The following BCLAF3 variants were observed in gnomAD, a reference collection of about 807,000 sequenced individuals.
The protein encoded by BCLAF3 is BCLAF1 and THRAP3 family member 3.
BCLAF3 carries 24 observed loss-of-function variants against 51.2 expected under a neutral mutation model. That is an observed-to-expected ratio of 0.47 (90% CI 0.34 to 0.66). The LOEUF (loss-of-function observed/expected upper bound fraction) is 0.66, where lower values mean the gene tolerates loss of function less well. Among genes scored for constraint, BCLAF3 ranks in the 30% least tolerant of loss-of-function variants. The probability of loss-of-function intolerance (pLI) is 0.01; values close to 1 mark genes in which losing one functional copy is unlikely to be tolerated. For synonymous variants in BCLAF3, 152 were observed against 176.6 expected (o/e 0.86, Z 1.10); for missense variants, 465 against 525.1 (o/e 0.89, Z 1.12).
At position 19,938,586 on chromosome X, in the gene BCLAF3, G is replaced by A. The variant is rs150137704; in HGVS notation, c.1746-1054C>T. Among the ~76,000 whole-genome samples the A allele has an allele frequency of 6.4e-3, 715 of 111,946 alleles. 7 individuals are homozygous for A. The highest frequency in any genetic ancestry group is 0.022 in the African/African-American group (689 of 30,877). ...AATTTTTTCTATTTTTAGTAGACAC[G>A]GGGTTTCACCATGTTGGCCAGCCTG... is the stretch of plus-strand genomic sequence containing the variant. On this transcript the variant is annotated intron_variant, in intron 8 of 11. Coordinates refer to ENST00000379682, the MANE Select transcript of BCLAF3 (RefSeq NM_001367774.2).
intron 10 of BCLAF3, among the ~76,000 whole-genome samples, chrX:19,934,540 G>GTAATCTA (rs1223860913): frequency 1.4e-4 from 16 of 112,541 alleles, no homozygotes; most frequent in Admixed American, 1.1e-3. Context: ...GGCTAAAAAT[G>GTAATCTA]TAATCTATTC....
chrX:19,980,614 TAAG>T (rs201414681), intron 1 of BCLAF3, among the ~76,000 whole-genome samples: 1,487 of 111,515 alleles, frequency 0.013, 9 homozygotes, highest in Middle Eastern at 0.019. Flanking sequence ...AAAAGAAAGA[TAAG>T]GATGAAGGCG....
chrX:19,921,719 G>A, intron 11 of BCLAF3, among the ~76,000 whole-genome samples: 1 of 105,819 alleles, frequency 9.5e-6, no homozygotes, highest in African/African-American at 3.5e-5. Context: ...ATAAAAAATT[G>A]GCCAGGCGTG....
intron 4 of BCLAF3, among the ~76,000 whole-genome samples, chrX:19,963,737 G>A: frequency 8.9e-6 from 1 of 111,991 alleles, no homozygotes; most frequent in African/African-American, 3.2e-5. Context: ...AACAGGGCCA[G>A]GTACAGTGGC....
At chrX:19,983,939 G>A (rs772992123) in intron 1 of BCLAF3, among the ~76,000 whole-genome samples, 2 of 107,886 alleles carry the variant, frequency 1.9e-5, no homozygotes, top group African/African-American at 6.7e-5. Context: ...GGGCGTGGCG[G>A]CACGCGCCTA....
chrX:19,939,142 G>A (rs1447371812), intron 8 of BCLAF3, among the ~76,000 whole-genome samples: 1 of 112,099 alleles, frequency 8.9e-6, no homozygotes, highest in Non-Finnish European at 1.9e-5. Flanking sequence ...GTTGTATATT[G>A]AGGATAATTT....
Position 19,966,153 on chromosome X carries a change from G to C in BCLAF3, c.538C>G (p.Gln180Glu). The C allele has an allele frequency of 4.1e-6, 5 of 1,211,013 alleles. No homozygotes were observed. The highest frequency in any genetic ancestry group is 5.6e-6 in the Non-Finnish European group (5 of 895,229). The change falls in exon 3 of 12, where the codon CAA becomes GAA. Residue 180 changes from glutamine (Q) to glutamate (E), a missense_variant. Transcript: ENST00000379682. ...GTTGACTGGGAGTATTTTTCTTCTT[G>C]TATCCTCTGGTGCCTCAACTCATCT... ...HEDELRHQRI[Q>E]EEKYSQSTRR...
chrX:19,946,720 C>A (rs2071315754), intron 8 of BCLAF3, among the ~76,000 whole-genome samples: 1 of 111,750 alleles, frequency 8.9e-6, no homozygotes, highest in Admixed American at 9.5e-5. Flanking sequence ...CCTGTCACAA[C>A]CCCACTGTCC....
At chrX:19,923,840 TA>T (rs1191286403) in intron 11 of BCLAF3, among the ~76,000 whole-genome samples, 55 of 90,301 alleles carry the variant, frequency 6.1e-4, no homozygotes, top group African/African-American at 2.2e-3. Flanking sequence ...ATTATTTATT[TA>T]TTTATTTTTT....
At chrX:19,972,041 AG>A (rs1157892789) in intron 1 of BCLAF3, among the ~76,000 whole-genome samples, 4 of 112,592 alleles carry the variant, frequency 3.6e-5, no homozygotes, top group Non-Finnish European at 5.6e-5. Context: ...CACTCATTAA[AG>A]GAAGTACAAT....
chrX:19,919,250 TG>T (rs1490249638), intron 11 of BCLAF3, among the ~76,000 whole-genome samples: 2 of 112,316 alleles, frequency 1.8e-5, no homozygotes, highest in African/African-American at 6.5e-5. Flanking sequence ...GTACTTAGCA[TG>T]TATCTCCTGA....
At chrX:19,981,261 T>C (rs1446934313) in intron 1 of BCLAF3, among the ~76,000 whole-genome samples, 1 of 111,469 alleles carries the variant, frequency 9.0e-6, no homozygotes, top group East Asian at 2.8e-4. Flanking sequence ...CTATAAAACT[T>C]AGAAGAAAAC....
intron 8 of BCLAF3, 98 bp downstream of exon 8, chrX:19,950,653 TCC>T (rs2071447562): frequency 1.9e-6 from 1 of 532,280 alleles, no homozygotes; most frequent in Admixed American, 3.5e-5. Context: ...AAGGAGCAAA[TCC>T]CTATATTAAA....
intron 4 of BCLAF3, among the ~76,000 whole-genome samples, chrX:19,961,454 T>A (rs2071856321): frequency 8.9e-6 from 1 of 112,002 alleles, no homozygotes; most frequent in African/African-American, 3.2e-5. Context: ...AGAACAAATA[T>A]CAATTCTCAA....
intron 1 of BCLAF3, among the ~76,000 whole-genome samples, chrX:19,977,865 T>C (rs1478735518): frequency 9.0e-6 from 1 of 111,459 alleles, no homozygotes; most frequent in Non-Finnish European, 1.9e-5. Context: ...CAATGTTCAC[T>C]GACCATCCTA....
intron 10 of BCLAF3, among the ~76,000 whole-genome samples, chrX:19,931,425 TAAATCTTA>T (rs1211026355): frequency 8.9e-6 from 1 of 111,993 alleles, no homozygotes; most frequent in African/African-American, 3.2e-5. Context: ...TCTGCCCTGA[TAAATCTTA>T]AAAACTTAGC....
Position 19,950,052 on chromosome X carries a change from T to C in BCLAF3, c.1745+701A>G, listed in dbSNP as rs183195688. On this transcript the variant is annotated intron_variant, in intron 8 of 11. Transcript: ENST00000379682. ...AAATCTACTGAGGATCTATTTGCCA[T>C]ATATGACATAAGTACTTCACATGTG... Among the ~76,000 whole-genome samples, 4 of 111,947 alleles carry C rather than the reference T, an allele frequency of 3.6e-5. No individual in the cohort carries two copies. In the Admixed American group the frequency reaches 3.8e-4, roughly 11 times the overall value.
rs761572523 is a variant in BCLAF3, at chrX:19,912,929, G to C, written c.*4376C>G. ...CATTATATTTGATAGATACAGAAGA[G>C]TACAGTCACTCATAATCCCACCATT... On this transcript the variant is annotated 3_prime_UTR_variant, in exon 12 of 12. Transcript: ENST00000379682. 1 of 111,709 alleles carries C rather than the reference G, an allele frequency of 9.0e-6. No homozygotes were observed. Among genetic ancestry groups the C allele is most frequent in the African/African-American group, 3.3e-5 (1 of 30,734 alleles). 9.2% of individuals were successfully genotyped at this position (111,709 alleles called of 1,213,427 possible).
At chrX:19,947,598 C>G (rs1603311708) in intron 8 of BCLAF3, among the ~76,000 whole-genome samples, 1 of 111,401 alleles carries the variant, frequency 9.0e-6, no homozygotes, top group East Asian at 2.8e-4. Context: ...CAGATGGGTC[C>G]TAGAGGCTAG....
Sources: gnomAD v4.1 joint callset for allele counts (sites outside exome capture counted in the v4.1 genomes callset) on GRCh38, gnomAD v4.1.1 for gene constraint, MANE v1.5 for transcripts, NCBI Gene and HGNC (gene_info 2026-07-23, HGNC 2026-07-21) for gene names.